PPM1E: variants seen among roughly 807,000 people sequenced by gnomAD.
The protein encoded by PPM1E is protein phosphatase 1E.
A neutral mutation model predicts 65.9 loss-of-function variants in PPM1E; 20 were observed. That is an observed-to-expected ratio of 0.30 (90% CI 0.21 to 0.44). The LOEUF is 0.44. PPM1E is among the 20% of genes least tolerant of loss of function. The pLI is 1.00. For synonymous variants in PPM1E, 352 were observed against 374.9 expected (o/e 0.94, Z 0.70); for missense variants, 713 against 953.1 (o/e 0.75, Z 3.32).
At chr17:58,957,513 C>A (rs894203304) in intron 2 of PPM1E, among the ~76,000 whole-genome samples, 1 of 152,068 alleles carries the variant, frequency 6.6e-6, no homozygotes, top group Non-Finnish European at 1.5e-5. Flanking sequence ...TACTATTATT[C>A]TAAACTATTT....
chr17:58,970,734 GT>G (rs1275147111), intron 4 of PPM1E, among the ~76,000 whole-genome samples: 1 of 152,022 alleles, frequency 6.6e-6, no homozygotes, highest in African/African-American at 2.4e-5. Context: ...ACACAAAGAG[GT>G]GGGTCTGGAG....
chr17:58,842,892 C>T (rs1033500025), intron 1 of PPM1E, among the ~76,000 whole-genome samples: 17 of 151,938 alleles, frequency 1.1e-4, no homozygotes, highest in African/African-American at 3.9e-4. Flanking sequence ...GAGCCAAGAT[C>T]GTGCCATTGC....
intron 1 of PPM1E, among the ~76,000 whole-genome samples, chr17:58,803,398 G>A (rs191135503): frequency 3.3e-5 from 5 of 152,232 alleles, no homozygotes; most frequent in African/African-American, 1.2e-4. Context: ...TGTATATAAT[G>A]AATAATTCTT....
At chr17:58,823,646 A>AGT (rs2050502894) in intron 1 of PPM1E, among the ~76,000 whole-genome samples, 3 of 152,214 alleles carry the variant, frequency 2.0e-5, no homozygotes, top group Non-Finnish European at 4.4e-5. Context: ...TCTGCACCAC[A>AGT]GGAAAGATAA....
intron 1 of PPM1E, among the ~76,000 whole-genome samples, chr17:58,816,151 G>A (rs1235044088): frequency 6.6e-6 from 1 of 151,938 alleles, no homozygotes; most frequent in African/African-American, 2.4e-5. Context: ...TCAGCCTCCT[G>A]AGTAGCTGGG....
chr17:58,919,876 A>G (rs1050044658), intron 1 of PPM1E, among the ~76,000 whole-genome samples: 8 of 152,210 alleles, frequency 5.3e-5, no homozygotes, highest in Non-Finnish European at 1.2e-4. Context: ...AGAATTTACC[A>G]TTGGCACTGA....
chr17:58,947,858 A>G (rs1191124305), intron 1 of PPM1E, among the ~76,000 whole-genome samples: 1 of 152,176 alleles, frequency 6.6e-6, no homozygotes, highest in Non-Finnish European at 1.5e-5. Context: ...TGGAAGACTC[A>G]GGCTGGGGGA....
At chr17:58,779,669 A>G (rs2050033031) in intron 1 of PPM1E, among the ~76,000 whole-genome samples, 1 of 152,180 alleles carries the variant, frequency 6.6e-6, no homozygotes, top group Non-Finnish European at 1.5e-5. Flanking sequence ...TGTATTTAAA[A>G]GTGTATGTGA....
intron 1 of PPM1E, among the ~76,000 whole-genome samples, chr17:58,822,148 G>A (rs1172788825): frequency 1.3e-5 from 2 of 152,022 alleles, no homozygotes; most frequent in Non-Finnish European, 2.9e-5. Flanking sequence ...AAAGAAGAAT[G>A]TAGTAAAGGA....
At chr17:58,976,865 T>C (rs1375780184) in intron 6 of PPM1E, among the ~76,000 whole-genome samples, 1 of 152,144 alleles carries the variant, frequency 6.6e-6, no homozygotes, top group Non-Finnish European at 1.5e-5. Context: ...GTGACTCAGA[T>C]CACATTTATT....
intron 1 of PPM1E, among the ~76,000 whole-genome samples, chr17:58,767,821 T>C (rs1231832994): frequency 2.6e-5 from 4 of 152,022 alleles, no homozygotes; most frequent in Non-Finnish European, 5.9e-5. Context: ...TTTGTATTTT[T>C]AGTAGAGATG....
chr17:58,848,181 G>A (rs1411365777), intron 1 of PPM1E, among the ~76,000 whole-genome samples: 15 of 152,248 alleles, frequency 9.9e-5, no homozygotes, highest in African/African-American at 2.4e-4. Flanking sequence ...GGGCTGAGAC[G>A]GTGGGGTTTT....
At chr17:58,775,920 CAAAAAAAAAAAAAAA>C (rs1158158641) in intron 1 of PPM1E, among the ~76,000 whole-genome samples, 4 of 52,496 alleles carry the variant, frequency 7.6e-5, no homozygotes, top group Non-Finnish European at 1.2e-4. Context: ...GACTCCGTCT[CAAAAAAAAAAAAAAA>C]AAAAAAAAAA....
intron 1 of PPM1E, among the ~76,000 whole-genome samples, chr17:58,948,826 T>C (rs1307154485): frequency 6.6e-6 from 1 of 152,224 alleles, no homozygotes; most frequent in Non-Finnish European, 1.5e-5. Context: ...TAATTTTGAA[T>C]GTTTCACTTG....
chr17:58,877,705 C>A (rs2051143412), intron 1 of PPM1E, among the ~76,000 whole-genome samples: 1 of 152,100 alleles, frequency 6.6e-6, no homozygotes, highest in Non-Finnish European at 1.5e-5. Flanking sequence ...GTGTGAATCA[C>A]AGGATTGGGA....
chr17:58,771,212 G>A (rs1053834446), intron 1 of PPM1E, among the ~76,000 whole-genome samples: 1 of 151,654 alleles, frequency 6.6e-6, no homozygotes, highest in Non-Finnish European at 1.5e-5. Flanking sequence ...TGTGTGGCTT[G>A]GTAATTTTTG....
In PPM1E at chr17:58,954,879, CAA is replaced by C. The variant is rs10715470; in HGVS notation, c.465-751_465-750del. On this transcript the variant is annotated intron_variant, in intron 1 of 6. Coordinates refer to ENST00000308249, the MANE Select transcript of PPM1E (RefSeq NM_014906.5). ...TAGGCAACAGAGCAAGAGTCTCTCT[CAA>C]AAAAAAAAAAAAAAAAAAGGTTCTA... Among the ~76,000 whole-genome samples, 336 of 100,996 alleles carry C rather than the reference CAA, an allele frequency of 3.3e-3. 2 individuals are homozygous for C. The highest frequency in any genetic ancestry group is 9.6e-3 in the African/African-American group (258 of 26,888). 66.3% of individuals were successfully genotyped at this position (100,996 alleles called of 152,430 possible).
intron 3 of PPM1E, chr17:58,966,648 G>A (rs998341772): frequency 4.5e-5 from 7 of 155,920 alleles, no homozygotes; most frequent in East Asian, 1.9e-4. Flanking sequence ...GGATCTATAT[G>A]AGCCTTGGCA....
At chr17:58,972,960 C>T in intron 6 of PPM1E, 35 bp downstream of exon 6, 1 of 1,469,020 alleles carries the variant, frequency 6.8e-7, no homozygotes, top group Non-Finnish European at 9.5e-7. Flanking sequence ...TCCAAACTGT[C>T]CTCTTCTAGC....
Sources: allele counts gnomAD v4.1 joint callset (sites outside exome capture counted in the v4.1 genomes callset), GRCh38; gene constraint gnomAD v4.1.1; transcripts MANE v1.5; gene names NCBI Gene and HGNC (gene_info 2026-07-23, HGNC 2026-07-21).